KCTD16: variants seen among roughly 807,000 people sequenced by gnomAD.
KCTD16 encodes the protein BTB/POZ domain-containing protein KCTD16.
A neutral mutation model predicts 33.2 loss-of-function variants in KCTD16; 13 were observed. That is an observed-to-expected ratio of 0.39 (90% CI 0.25 to 0.62). KCTD16 has a LOEUF of 0.62. Ranked by LOEUF, KCTD16 falls within the 20% of genes least tolerant of loss-of-function variation. KCTD16 has a pLI of 0.50. For synonymous variants in KCTD16, 197 were observed against 195.3 expected, an observed-to-expected ratio of 1.01 and a Z score of -0.07; for missense variants, 441 against 525.1, an observed-to-expected ratio of 0.84 and a Z score of 1.57.
Position 144,405,903 on chromosome 5 carries a change from T to C in KCTD16, c.833-67757T>C, listed in dbSNP as rs147595022. 7.9e-5 allele frequency among the ~76,000 whole-genome samples: 12 copies of C among 152,282 alleles called. No individual in the cohort carries two copies. In the East Asian group the frequency reaches 2.3e-3, roughly 29 times the overall value. On this transcript the variant is annotated intron_variant, in intron 3 of 3. Coordinates refer to ENST00000512467, the MANE Select transcript of KCTD16 (RefSeq NM_020768.4). ...GCTATTTTAAAACCATTGGTGATAC[T>C]AAGCCCCATTGGAAATCCTAGTTAA...
intron 3 of KCTD16, among the ~76,000 whole-genome samples, chr5:144,421,409 A>T (rs759751270): frequency 6.6e-6 from 1 of 152,090 alleles, no homozygotes; most frequent in Non-Finnish European, 1.5e-5. Context: ...ATCTACTTGC[A>T]TGGGTTGATT....
At chr5:144,315,526 A>ATT (rs1751881286) in intron 3 of KCTD16, among the ~76,000 whole-genome samples, 1 of 152,188 alleles carries the variant, frequency 6.6e-6, no homozygotes, top group Admixed American at 6.5e-5. Flanking sequence ...CTCATCCCAA[A>ATT]TATAATGATG....
At chr5:144,373,881 C>A (rs1029027159) in intron 3 of KCTD16, among the ~76,000 whole-genome samples, 6 of 152,296 alleles carry the variant, frequency 3.9e-5, no homozygotes, top group African/African-American at 1.4e-4. Flanking sequence ...GCTTCTGTAG[C>A]AAATGAGCCA....
At chr5:144,327,029 TA>T (rs1374078223) in intron 3 of KCTD16, among the ~76,000 whole-genome samples, 2 of 152,162 alleles carry the variant, frequency 1.3e-5, no homozygotes, top group Non-Finnish European at 2.9e-5. Flanking sequence ...GTGCGGGAAC[TA>T]AACGATCCAT....
At chr5:144,394,933 C>G (rs897815669) in intron 3 of KCTD16, among the ~76,000 whole-genome samples, 1 of 152,174 alleles carries the variant, frequency 6.6e-6, no homozygotes, top group Admixed American at 6.6e-5. Context: ...CTAGAAGGTC[C>G]TATTCTTGAT....
intron 2 of KCTD16, among the ~76,000 whole-genome samples, chr5:144,184,182 C>T (rs1041572174): frequency 3.9e-5 from 6 of 152,196 alleles, no homozygotes; most frequent in African/African-American, 1.4e-4. Flanking sequence ...AGTGTATTCA[C>T]ATTGTTGTGA....
chr5:144,188,677 C>A (rs879748720), intron 2 of KCTD16, among the ~76,000 whole-genome samples: 2 of 152,092 alleles, frequency 1.3e-5, no homozygotes, highest in Non-Finnish European at 2.9e-5. Context: ...TAAGGTGATC[C>A]AAATATACAT....
intron 3 of KCTD16, among the ~76,000 whole-genome samples, chr5:144,254,303 AT>A (rs552314516): frequency 0.035 from 4,658 of 134,824 alleles, 237 homozygotes; most frequent in African/African-American, 0.11. Flanking sequence ...AGCCCAGCTA[AT>A]TTTTTTTTTT....
Position 144,245,391 on chromosome 5 carries a change from G to A in KCTD16, c.832+37845G>A, listed in dbSNP as rs141668496. Among the ~76,000 whole-genome samples, 102 of 152,354 alleles carry A rather than the reference G, an allele frequency of 6.7e-4. 2 individuals are homozygous for A. Among genetic ancestry groups the A allele is most frequent in the Middle Eastern group, 3.4e-3 (1 of 294 alleles). ...CGCAAGGAAGTTATGGTTGCGGTGC[G>A]ACTTTAAGTATAGGAGTTAACAAGA... On this transcript the variant is annotated intron_variant, in intron 3 of 3. Coordinates refer to ENST00000512467, the MANE Select transcript of KCTD16 (RefSeq NM_020768.4).
intron 3 of KCTD16, among the ~76,000 whole-genome samples, chr5:144,470,061 G>T (rs892997822): frequency 6.6e-6 from 1 of 152,018 alleles, no homozygotes; most frequent in East Asian, 1.9e-4. Context: ...CAAATGGAGA[G>T]AATTATTCCA....
intron 3 of KCTD16, among the ~76,000 whole-genome samples, chr5:144,437,234 T>C (rs777423551): frequency 2.6e-5 from 4 of 152,114 alleles, no homozygotes; most frequent in Non-Finnish European, 4.4e-5. Context: ...CTGGGAGTAA[T>C]CAACTCACCA....
At position 144,209,694 on chromosome 5, in the gene KCTD16, C is replaced by T. The variant is rs76386327; in HGVS notation, c.832+2148C>T. On this transcript the variant is annotated intron_variant, in intron 3 of 3. Coordinates refer to ENST00000512467, the MANE Select transcript of KCTD16 (RefSeq NM_020768.4). ...AGCTGTTGTGCTCGGGTTAATGGGA[C>T]GAAACCATGGGAGATGCTCTAAAGA... is the stretch of plus-strand genomic sequence containing the variant. Among the ~76,000 whole-genome samples the T allele has an allele frequency of 6.0e-5, 9 of 151,118 alleles. No individual in the cohort carries two copies. The East Asian group carries it at 1.2e-3, about 20-fold the overall frequency.
chr5:144,276,537 G>A (rs1439987529), intron 3 of KCTD16, among the ~76,000 whole-genome samples: 3 of 152,074 alleles, frequency 2.0e-5, no homozygotes, highest in Non-Finnish European at 4.4e-5. Flanking sequence ...TCTAGTTCTG[G>A]CAGAGACCTA....
intron 3 of KCTD16, among the ~76,000 whole-genome samples, chr5:144,329,926 T>C (rs1752309516): frequency 6.6e-6 from 1 of 152,200 alleles, no homozygotes; most frequent in Non-Finnish European, 1.5e-5. Context: ...ATAGGTGGTT[T>C]TGATGTCTCA....
At chr5:144,271,401 A>C (rs1755290764) in intron 3 of KCTD16, among the ~76,000 whole-genome samples, 1 of 152,120 alleles carries the variant, frequency 6.6e-6, no homozygotes, top group South Asian at 2.1e-4. Flanking sequence ...GAAGGAAAAA[A>C]GCACATGATC....
At chr5:144,449,366 C>A (rs1039004832) in intron 3 of KCTD16, among the ~76,000 whole-genome samples, 1 of 151,890 alleles carries the variant, frequency 6.6e-6, no homozygotes, top group African/African-American at 2.4e-5. Flanking sequence ...CCATCAAAAT[C>A]TCAATGGATT....
chr5:144,336,289 G>A (rs1752491153), intron 3 of KCTD16, among the ~76,000 whole-genome samples: 1 of 152,198 alleles, frequency 6.6e-6, no homozygotes, highest in Admixed American at 6.5e-5. Flanking sequence ...AGCAGCACAA[G>A]CAATGAACAA....
At chr5:144,415,187 C>T (rs1052810698) in intron 3 of KCTD16, among the ~76,000 whole-genome samples, 1 of 152,064 alleles carries the variant, frequency 6.6e-6, no homozygotes, top group Non-Finnish European at 1.5e-5. Context: ...TTGTAAGAAA[C>T]CAACTCCCAT....
At chr5:144,208,536 A>C (rs1362615964) in intron 3 of KCTD16, among the ~76,000 whole-genome samples, 1 of 152,224 alleles carries the variant, frequency 6.6e-6, no homozygotes, top group African/African-American at 2.4e-5. Context: ...AGTAAATTCC[A>C]CAAGAAATAT....
Sources: gnomAD v4.1 joint callset for allele counts (sites outside exome capture counted in the v4.1 genomes callset) on GRCh38, gnomAD v4.1.1 for gene constraint, MANE v1.5 for transcripts, NCBI Gene and HGNC (gene_info 2026-07-23, HGNC 2026-07-21) for gene names.